The following GALNT14 variants were observed in gnomAD, a reference collection of about 807,000 sequenced individuals.
The protein encoded by GALNT14 is polypeptide N-acetylgalactosaminyltransferase 14, also known as UDP-GalNAc:polypeptide N-acetylgalactosaminyltransferase 14.
In GALNT14, 60 loss-of-function variants were observed where a neutral mutation model predicts 77.5. That is an observed-to-expected ratio of 0.77 (90% confidence interval 0.63 to 0.96). The LOEUF (loss-of-function observed/expected upper bound fraction) is 0.96. Ranked by LOEUF, GALNT14 falls within the 40% of genes least tolerant of loss-of-function variation. GALNT14 has a pLI of 0.00. For synonymous variants in GALNT14, 280 were observed against 281.7 expected (o/e 0.99, Z 0.06); for missense variants, 710 against 731.0 (o/e 0.97, Z 0.33).
At chr2:30,958,340 C>T in intron 4 of GALNT14, 57 bp downstream of exon 4, 1 of 1,475,110 alleles carries the variant, frequency 6.8e-7, no homozygotes, top group Non-Finnish European at 9.5e-7. Flanking sequence ...CTGCCTGTTA[C>T]AGAGTGGCTG....
At chr2:30,968,965 G>A (rs1668178855) in intron 2 of GALNT14, among the ~76,000 whole-genome samples, 1 of 152,164 alleles carries the variant, frequency 6.6e-6, no homozygotes, top group Admixed American at 6.5e-5. Flanking sequence ...GGTTGAGGGA[G>A]ACCTGGAGGG....
At chr2:31,120,229 G>C (rs1166745587) in intron 1 of GALNT14, among the ~76,000 whole-genome samples, 1 of 150,720 alleles carries the variant, frequency 6.6e-6, no homozygotes, top group Non-Finnish European at 1.5e-5. Flanking sequence ...CTTAAGTAAA[G>C]AGAAGATGCA....
At chr2:30,923,211 T>C (rs1395877124) in intron 13 of GALNT14, among the ~76,000 whole-genome samples, 1 of 151,886 alleles carries the variant, frequency 6.6e-6, no homozygotes, top group Non-Finnish European at 1.5e-5. Context: ...TACAGGCGCA[T>C]GCCACCCTGC....
chr2:31,077,047 A>G (rs917664457), intron 1 of GALNT14, among the ~76,000 whole-genome samples: 1 of 152,214 alleles, frequency 6.6e-6, no homozygotes. Context: ...TATAGTAACA[A>G]TCCTTATAAT....
chr2:30,902,876 C>T, the GALNT14 span, among the ~76,000 whole-genome samples: 1 of 152,290 alleles, frequency 6.6e-6, no homozygotes, highest in Middle Eastern at 3.4e-3. Flanking sequence ...TAGTGCAGTA[C>T]CTGTTTCACT....
chr2:31,088,526 T>C (rs962373357), intron 1 of GALNT14, among the ~76,000 whole-genome samples: 2 of 152,138 alleles, frequency 1.3e-5, no homozygotes, highest in South Asian at 4.2e-4. Context: ...ATGAGCGATG[T>C]GTGGCACAGG....
At chr2:31,037,704 A>T (rs775076052) in intron 1 of GALNT14, among the ~76,000 whole-genome samples, 1 of 151,694 alleles carries the variant, frequency 6.6e-6, no homozygotes, top group Non-Finnish European at 1.5e-5. Flanking sequence ...TGGTTTAGTG[A>T]CTCTCCTGAA....
intron 13 of GALNT14, among the ~76,000 whole-genome samples, chr2:30,918,682 A>G (rs114451037): frequency 2.1e-3 from 143 of 69,296 alleles, no homozygotes; most frequent in Admixed American, 3.2e-3. Context: ...GGGTGGCATC[A>G]GGCAGGGAGG....
intron 1 of GALNT14, among the ~76,000 whole-genome samples, chr2:31,053,472 C>T (rs1303559010): frequency 1.4e-5 from 2 of 146,868 alleles, no homozygotes; most frequent in Non-Finnish European, 3.0e-5. Flanking sequence ...TCCCGTCCTA[C>T]ACAGCTCCAA....
At chr2:30,994,281 C>A (rs532446278) in intron 1 of GALNT14, among the ~76,000 whole-genome samples, 3 of 152,144 alleles carry the variant, frequency 2.0e-5, no homozygotes, top group African/African-American at 7.2e-5. Flanking sequence ...CTGAGAGCTG[C>A]CCATCCCATT....
At chr2:30,942,771 C>T (rs1006593044) in intron 8 of GALNT14, among the ~76,000 whole-genome samples, 1 of 152,202 alleles carries the variant, frequency 6.6e-6, no homozygotes, top group Non-Finnish European at 1.5e-5. Context: ...ACATCTGTTT[C>T]CTGAAACTGG....
intron 9 of GALNT14, among the ~76,000 whole-genome samples, chr2:30,936,186 C>T (rs28532324): frequency 0.16 from 24,744 of 152,062 alleles, 2,125 homozygotes; most frequent in East Asian, 0.3. Context: ...CCATTCCCCC[C>T]ACTTTCCTTC....
In GALNT14 at chr2:30,942,319, GA is replaced by G. The variant is rs775528096; in HGVS notation, c.828-16del. 2.5e-6 allele frequency: 4 copies of G among 1,592,276 alleles called. No homozygotes were observed. In the African/African-American group the frequency reaches 4.0e-5, roughly 16 times the overall value. Reference sequence around the variant, plus strand: ...TGATAGGAGTCCTGTGCATTTGGAAGAAAAAGAGAGGGGATCAGTTCTAGTG... The same window carrying G: ...TGATAGGAGTCCTGTGCATTTGGAAGAAAAGAGAGGGGATCAGTTCTAGTG... On this transcript the variant is annotated splice_polypyrimidine_tract_variant and intron_variant, in intron 8 of 14. Coordinates refer to ENST00000349752, the MANE Select transcript of GALNT14 (RefSeq NM_024572.4).
Position 30,977,092 on chromosome 2 carries a change from C to CTTTTTTTTTTTTTTTTTTTTT in GALNT14, c.300-10791_300-10790insAAAAAAAAAAAAAAAAAAAAA, listed in dbSNP as rs11314175. On this transcript the variant is annotated intron_variant, in intron 2 of 14. Coordinates refer to ENST00000349752, the MANE Select transcript of GALNT14 (RefSeq NM_024572.4). ...CTTTATTCCATATTGGCTTTTCTGT[C>CTTTTTTTTTTTTTTTTTTTTT]TTTTTTTTTTTTTTTGAGACAGGGT... 3.3e-4 allele frequency among the ~76,000 whole-genome samples: 45 copies of CTTTTTTTTTTTTTTTTTTTTT among 135,110 alleles called. 3 individuals carry two copies. Among genetic ancestry groups the CTTTTTTTTTTTTTTTTTTTTT allele is most frequent in the African/African-American group, 1.3e-3 (41 of 32,602 alleles). The allele number at this position is 135,110 out of a possible 152,430, so 88.6% of individuals were successfully genotyped here. A position where few individuals can be genotyped will look rare whatever the true frequency, so the allele number is the denominator to read the frequency against.
chr2:31,111,119 A>G (rs1482466924), intron 1 of GALNT14, among the ~76,000 whole-genome samples: 1 of 152,096 alleles, frequency 6.6e-6, no homozygotes, highest in African/African-American at 2.4e-5. Flanking sequence ...AGAGAACACA[A>G]TCCTCCCTGC....
intron 1 of GALNT14, among the ~76,000 whole-genome samples, chr2:31,058,815 A>G (rs1440468128): frequency 1.3e-5 from 2 of 152,246 alleles, no homozygotes; most frequent in East Asian, 3.8e-4. Flanking sequence ...CGGAGACATT[A>G]AGAGAATTGT....
At position 30,999,887 on chromosome 2, in the gene GALNT14, C is replaced by T. The variant is rs1670256613; in HGVS notation, c.130-6880G>A. On this transcript the variant is annotated intron_variant, in intron 1 of 14. Transcript: ENST00000349752. ...ACGTAAAACCCTATCCAGGGCATTG[C>T]TGTGAGTGTCGTAAACACTTCCAGT... is the stretch of plus-strand genomic sequence containing the variant. 2.0e-5 allele frequency among the ~76,000 whole-genome samples: 3 copies of T among 152,354 alleles called. No homozygotes were observed. The South Asian group carries it at 6.2e-4, about 32-fold the overall frequency.
intron 1 of GALNT14, among the ~76,000 whole-genome samples, chr2:31,075,203 C>T (rs369590720): frequency 3.1e-3 from 467 of 152,322 alleles, no homozygotes; most frequent in African/African-American, 0.011. Flanking sequence ...TTCCCCTTTG[C>T]CTTCTGCCAT....
intron 2 of GALNT14, among the ~76,000 whole-genome samples, chr2:30,979,119 G>A (rs1317313371): frequency 6.6e-6 from 1 of 152,258 alleles, no homozygotes. Context: ...CCCACAGCAT[G>A]TGAAGAGTTT....
Sources: gnomAD v4.1 joint callset for allele counts (sites outside exome capture counted in the v4.1 genomes callset) on GRCh38, gnomAD v4.1.1 for gene constraint, MANE v1.5 for transcripts, NCBI Gene and HGNC (gene_info 2026-07-23, HGNC 2026-07-21) for gene names.